NRXN1: variants seen among roughly 807,000 people sequenced by gnomAD.
NRXN1 encodes neurexin 1, also known as neurexin-1.
In NRXN1, 39 loss-of-function variants were observed where a neutral mutation model predicts 150.9. The ratio of observed to expected loss-of-function variants is 0.26; its 90% confidence interval spans 0.20 to 0.34. The LOEUF (loss-of-function observed/expected upper bound fraction) is 0.34. Among genes scored for constraint, NRXN1 ranks in the 10% least tolerant of loss-of-function variants. The probability of loss-of-function intolerance (pLI) is 1.00; values close to 1 mark genes in which losing one functional copy is unlikely to be tolerated. For missense variants in NRXN1, 1,815 were observed against 1,949.9 expected (o/e 0.93, Z 1.30); for synonymous variants, 924 against 757.0 (o/e 1.22, Z -3.62).
chr2:50,986,451 G>T (rs541135440), intron 2 of NRXN1, among the ~76,000 whole-genome samples: 3 of 151,668 alleles, frequency 2.0e-5, no homozygotes, highest in East Asian at 3.9e-4. Flanking sequence ...TACCAACAAG[G>T]AATCAGTAAA....
At chr2:50,248,306 G>A (rs1357760597) in intron 17 of NRXN1, among the ~76,000 whole-genome samples, 1 of 152,132 alleles carries the variant, frequency 6.6e-6, no homozygotes, top group Non-Finnish European at 1.5e-5. Context: ...GAGCTATAGT[G>A]TACAATTTAG....
At chr2:50,191,772 T>A (rs1436548718) in intron 18 of NRXN1, among the ~76,000 whole-genome samples, 1 of 152,224 alleles carries the variant, frequency 6.6e-6, no homozygotes, top group Admixed American at 6.5e-5. Flanking sequence ...TATTCCTTTT[T>A]ATTGTTGCAT....
intron 17 of NRXN1, among the ~76,000 whole-genome samples, chr2:50,274,406 G>T (rs1178738096): frequency 6.6e-6 from 1 of 152,084 alleles, no homozygotes; most frequent in East Asian, 1.9e-4. Flanking sequence ...GGGTTGGGGG[G>T]CTACGGGAGG....
intron 5 of NRXN1, among the ~76,000 whole-genome samples, chr2:50,676,126 A>G (rs1039311221): frequency 6.6e-6 from 1 of 151,920 alleles, no homozygotes; most frequent in Non-Finnish European, 1.5e-5. Flanking sequence ...ATTTTACAGG[A>G]TATCTTGTTT....
At chr2:50,940,105 A>T (rs968021944) in intron 2 of NRXN1, among the ~76,000 whole-genome samples, 22 of 152,164 alleles carry the variant, frequency 1.4e-4, no homozygotes, top group African/African-American at 5.1e-4. Context: ...TGGCTCCCGA[A>T]ATTGTGGCTA....
At chr2:50,545,515 T>C (rs565623703) in intron 9 of NRXN1, among the ~76,000 whole-genome samples, 2 of 152,270 alleles carry the variant, frequency 1.3e-5, no homozygotes, top group East Asian at 1.9e-4. Flanking sequence ...ATGAAGAGAT[T>C]TGGTAGATTT....
At chr2:50,750,352 T>TA (rs67759712) in intron 5 of NRXN1, among the ~76,000 whole-genome samples, 52,158 of 151,538 alleles carry the variant, frequency 0.34, 10,010 homozygotes, top group East Asian at 0.62. Context: ...AGTCAAAAAT[T>TA]AAAAAATGTC....
At chr2:51,010,393 C>T (rs191144358) in intron 2 of NRXN1, among the ~76,000 whole-genome samples, 64 of 152,042 alleles carry the variant, frequency 4.2e-4, no homozygotes, top group African/African-American at 1.4e-3. Flanking sequence ...ACTCGCTAAA[C>T]GTATTTTTAA....
chr2:50,605,635 A>G (rs2103995141), intron 8 of NRXN1, among the ~76,000 whole-genome samples: 1 of 152,328 alleles, frequency 6.6e-6, no homozygotes, highest in African/African-American at 2.4e-5. Flanking sequence ...AAAAAAGAAA[A>G]AAACAACAAC....
At chr2:50,865,938 AG>A (rs1422681023) in intron 5 of NRXN1, among the ~76,000 whole-genome samples, 1 of 151,612 alleles carries the variant, frequency 6.6e-6, no homozygotes, top group African/African-American at 2.4e-5. Flanking sequence ...CAGACCTTGG[AG>A]AACTTGCAAA....
chr2:50,263,106 G>A (rs1452519173), intron 17 of NRXN1, among the ~76,000 whole-genome samples: 2 of 150,982 alleles, frequency 1.3e-5, no homozygotes, highest in African/African-American at 2.4e-5. Context: ...AGCACTAATT[G>A]GAGACTACAT....
Position 49,919,071 on chromosome 2 carries a change from T to C in NRXN1, c.*2873A>G, listed in dbSNP as rs1048489520. 3 of 152,146 alleles carry C rather than the reference T, an allele frequency of 2.0e-5. No homozygotes were observed. The highest frequency in any genetic ancestry group is 2.1e-4 in the South Asian group (1 of 4,826). 9.4% of individuals were successfully genotyped at this position (152,146 alleles called of 1,614,324 possible). On this transcript the variant is annotated 3_prime_UTR_variant, in exon 23 of 23. Coordinates refer to ENST00000401669, the MANE Select transcript of NRXN1 (RefSeq NM_001330078.2). ...TAGGGATTGACCACTTCACACGTTA[T>C]TGTAGTATTTGTTCTTTTAAAAAAG...
At chr2:50,447,136 T>C (rs1275989910) in intron 17 of NRXN1, among the ~76,000 whole-genome samples, 1 of 152,060 alleles carries the variant, frequency 6.6e-6, no homozygotes, top group Non-Finnish European at 1.5e-5. Context: ...CTAATCAAAC[T>C]AAATATAAAT....
At chr2:50,497,105 T>C (rs1436333276) in intron 14 of NRXN1, among the ~76,000 whole-genome samples, 1 of 152,180 alleles carries the variant, frequency 6.6e-6, no homozygotes, top group Non-Finnish European at 1.5e-5. Context: ...GAGCCCAATG[T>C]AATTTGTATC....
Position 51,017,647 on chromosome 2 carries a change from G to C in NRXN1, c.772+9855C>G, listed in dbSNP as rs568303059. Among the ~76,000 whole-genome samples the C allele has an allele frequency of 2.7e-4, 40 of 149,714 alleles. No homozygotes were observed. In the Middle Eastern group the frequency reaches 0.01, roughly 38 times the overall value. On this transcript the variant is annotated intron_variant, in intron 2 of 22. Coordinates refer to ENST00000401669, the MANE Select transcript of NRXN1 (RefSeq NM_001330078.2). ...GGATTACCTTATTTCCTAGAAAGTTGGCAGAACTTTTTAAATAGACATTCA... is the reference window on the plus strand; with the variant it reads ...GGATTACCTTATTTCCTAGAAAGTTCGCAGAACTTTTTAAATAGACATTCA...
intron 5 of NRXN1, among the ~76,000 whole-genome samples, chr2:50,662,256 A>G (rs980694109): frequency 1.3e-5 from 2 of 152,012 alleles, no homozygotes; most frequent in African/African-American, 4.8e-5. Flanking sequence ...AGATCTTTGC[A>G]CAGGGAGTTA....
At chr2:50,391,121 G>T (rs2081660413) in intron 17 of NRXN1, among the ~76,000 whole-genome samples, 1 of 151,972 alleles carries the variant, frequency 6.6e-6, no homozygotes, top group African/African-American at 2.4e-5. Flanking sequence ...AGCTAAAACA[G>T]CAGAATTAAA....
intron 17 of NRXN1, among the ~76,000 whole-genome samples, chr2:50,375,234 T>C (rs1373526400): frequency 6.6e-6 from 1 of 151,980 alleles, no homozygotes; most frequent in African/African-American, 2.4e-5. Flanking sequence ...TAAAGACAAT[T>C]ATTCATACCA....
intron 5 of NRXN1, among the ~76,000 whole-genome samples, chr2:50,820,317 A>C (rs1305533455): frequency 2.0e-5 from 3 of 151,978 alleles, no homozygotes; most frequent in African/African-American, 4.8e-5. Flanking sequence ...TTACTTTCTA[A>C]CACCACTTCC....
Sources: allele counts gnomAD v4.1 joint callset (sites outside exome capture counted in the v4.1 genomes callset), GRCh38; gene constraint gnomAD v4.1.1; transcripts MANE v1.5; gene names NCBI Gene and HGNC (gene_info 2026-07-23, HGNC 2026-07-21).